SLC1A5: variants seen among roughly 807,000 people sequenced by gnomAD.
SLC1A5 encodes the protein neutral amino acid transporter B(0).
Under a neutral mutation model 34.9 loss-of-function variants are expected in SLC1A5, and 25 were observed. The observed-to-expected ratio is 0.72, with a 90% CI of 0.52 to 1.00. SLC1A5 has a LOEUF of 1.00. Ranked by LOEUF, SLC1A5 falls within the 50% of genes least tolerant of loss-of-function variation. SLC1A5 has a pLI of 0.00. For missense variants in SLC1A5, 637 were observed against 740.0 expected (o/e 0.86, Z 1.61); for synonymous variants, 351 against 341.2 (o/e 1.03, Z -0.32).
chr19:46,782,346 A>ACCCCCCCCCCCCCCCCCCCCCCAAAC, intron 4 of SLC1A5, 37 bp downstream of exon 4: 1 of 567,986 alleles, frequency 1.8e-6, no homozygotes, highest in Non-Finnish European at 3.2e-6. Context: ...CGACCCTCCA[A>ACCCCCCCCCCCCCCCCCCCCCCAAAC]CCCCACCCAC....
intron 5 of SLC1A5, among the ~76,000 whole-genome samples, chr19:46,777,779 G>A (rs573113371): frequency 6.8e-6 from 1 of 147,784 alleles, no homozygotes; most frequent in Non-Finnish European, 1.5e-5. Flanking sequence ...TCTGTCCCTT[G>A]GCCCAAGGCC....
intron 2 of SLC1A5, 27 bp downstream of exon 2, chr19:46,784,490 C>G: frequency 6.2e-7 from 1 of 1,613,332 alleles, no homozygotes; most frequent in African/African-American, 1.3e-5. Context: ...CCACCCCCAT[C>G]CCCTCAGGAC....
intron 1 of SLC1A5, among the ~76,000 whole-genome samples, chr19:46,785,857 A>G (rs1463064595): frequency 6.6e-6 from 1 of 152,152 alleles, no homozygotes; most frequent in African/African-American, 2.4e-5. Context: ...AGGTGGGCAG[A>G]TAACTTGAGG....
chr19:46,775,844 G>A (rs922687355), intron 7 of SLC1A5, 97 bp from the exon 8 acceptor site: 2 of 1,297,654 alleles, frequency 1.5e-6, no homozygotes, highest in Admixed American at 2.9e-5. Context: ...TCTCCCCCTG[G>A]AATCTAAAAA....
intron 4 of SLC1A5, 37 bp downstream of exon 4, chr19:46,782,346 A>AACCCCCCCCCCCCCCCCCCC: frequency 1.2e-5 from 7 of 567,962 alleles, no homozygotes; most frequent in Admixed American, 2.7e-5. Context: ...CGACCCTCCA[A>AACCCCCCCCCCCCCCCCCCC]CCCCACCCAC....
rs2055199504 is a variant in SLC1A5, at chr19:46,788,009, G to A, written c.-44C>T. On this transcript the variant is annotated 5_prime_UTR_variant, in exon 1 of 8. Transcript: ENST00000542575. The stretch of plus-strand genomic sequence containing the variant: ...TTCTTAGCGCCTGGAAGCTGGCTGG[G>A]AGCGCTTGGGCTCCTTCCCAGGACC... 1 of 1,489,124 alleles carries A rather than the reference G, an allele frequency of 6.7e-7. No homozygotes were observed. The highest frequency in any genetic ancestry group is 2.5e-5 in the Admixed American group (1 of 40,478). The allele number at this position is 1,489,124 out of a possible 1,614,324, so 92.2% of individuals were successfully genotyped here. A position where few individuals can be genotyped will look rare whatever the true frequency, so the allele number is the denominator to read the frequency against.
intron 3 of SLC1A5, among the ~76,000 whole-genome samples, 190 bp downstream of exon 3, chr19:46,783,907 C>A (rs1219938293): frequency 6.7e-6 from 1 of 149,808 alleles, no homozygotes; most frequent in East Asian, 1.9e-4. Context: ...AAAGGAAGAG[C>A]CTGGGCACCT....
At chr19:46,778,018 C>G (rs182507597) in intron 5 of SLC1A5, among the ~76,000 whole-genome samples, 6 of 152,256 alleles carry the variant, frequency 3.9e-5, no homozygotes, top group Non-Finnish European at 7.4e-5. Flanking sequence ...CCTGCTGACT[C>G]TCACCAATAA....
At position 46,775,423 on chromosome 19, in the gene SLC1A5, G is replaced by A; in HGVS notation, c.*87C>T. On this transcript the variant is annotated 3_prime_UTR_variant, in exon 8 of 8. Transcript: ENST00000542575. ...CCCAGAGTGTGCAGGCAGACCCCCA[G>A]AGCCCTAGCTCATCCATTTATCCAT... 6.6e-7 allele frequency: 1 copy of A among 1,525,398 alleles called. No individual in the cohort carries two copies. The highest frequency in any genetic ancestry group is 8.8e-7 in the Non-Finnish European group (1 of 1,138,664). 94.5% of individuals were successfully genotyped at this position (1,525,398 alleles called of 1,614,324 possible).
rs1217827274 is a variant in SLC1A5, at chr19:46,774,921, G to A, written c.*589C>T. On this transcript the variant is annotated 3_prime_UTR_variant, in exon 8 of 8. Transcript: ENST00000542575. Reference sequence around the variant, plus strand: ...ACTCAATTTTATTGCTAAAAAAAATGTCCTCTGGAGTGACAGCAGGTATTT... The same window carrying A: ...ACTCAATTTTATTGCTAAAAAAAATATCCTCTGGAGTGACAGCAGGTATTT... The A allele has an allele frequency of 1.0e-6, 1 of 985,748 alleles. No individual in the cohort carries two copies. Among genetic ancestry groups the A allele is most frequent in the Non-Finnish European group, 1.2e-6 (1 of 829,984 alleles). The allele number at this position is 985,748 out of a possible 1,614,324, so 61.1% of individuals were successfully genotyped here.
At chr19:46,786,753 C>T (rs1325683436) in intron 1 of SLC1A5, among the ~76,000 whole-genome samples, 1 of 152,152 alleles carries the variant, frequency 6.6e-6, no homozygotes, top group Non-Finnish European at 1.5e-5. Flanking sequence ...TCTAACTGGT[C>T]CTCTTCTGGG....
chr19:46,786,756 C>T (rs1426841398), intron 1 of SLC1A5, among the ~76,000 whole-genome samples: 6 of 152,204 alleles, frequency 3.9e-5, no homozygotes, highest in Non-Finnish European at 8.8e-5. Flanking sequence ...AACTGGTCCT[C>T]TTCTGGGCTG....
At chr19:46,784,948 G>C (rs866585841) in intron 1 of SLC1A5, 53 of 1,120,216 alleles carry the variant, frequency 4.7e-5, no homozygotes, top group Middle Eastern at 7.1e-4. Flanking sequence ...GCGGCTCTGA[G>C]AGTATGGGGG....
rs768082838 is a variant in SLC1A5 at position 46,780,766 on chromosome 19, T to C, written c.824+1617A>G. Among the ~76,000 whole-genome samples the C allele has an allele frequency of 5.0e-4, 76 of 151,456 alleles. 1 individual carries two copies. The highest frequency in any genetic ancestry group is 7.4e-5 in the Non-Finnish European group (5 of 67,798). On this transcript the variant is annotated intron_variant, in intron 4 of 7. Transcript: ENST00000542575. The stretch of plus-strand genomic sequence containing the variant: ...AGGGCGGATCGCTTGAGGTCAGGAG[T>C]TTGAGACCAGCCTGGCCAACATGGC...
At chr19:46,783,466 CA>C (rs113636275) in intron 3 of SLC1A5, among the ~76,000 whole-genome samples, 425 of 99,790 alleles carry the variant, frequency 4.3e-3, no homozygotes, top group Middle Eastern at 0.012. Context: ...AATTCTGTCT[CA>C]AAAAAAAAAA....
At position 46,778,846 on chromosome 19, in the gene SLC1A5, C is replaced by T; in HGVS notation, c.887G>A (p.Gly296Asp). The T allele has an allele frequency of 6.2e-7, 1 of 1,605,516 alleles. No individual in the cohort carries two copies. Among genetic ancestry groups the T allele is most frequent in the Non-Finnish European group, 8.5e-7 (1 of 1,175,584 alleles). The change falls in exon 5 of 8, where the codon GGT (glycine) becomes GAT (aspartate). Residue 296 changes from glycine (G) to aspartate (D), a missense_variant. Coordinates refer to ENST00000542575, the MANE Select transcript of SLC1A5 (RefSeq NM_005628.3). ...CTTGCCAAGGCGGGCAAAGAGTAAACCCACATCCTCCATCTCCACGATCTT... is the reference window on the plus strand; with the variant it reads ...CTTGCCAAGGCGGGCAAAGAGTAAATCCACATCCTCCATCTCCACGATCTT... ...AGKIVEMEDV[G>D]LLFARLGKYI...
rs1294719185 is a variant in SLC1A5, at chr19:46,787,393, A to G, written c.566+7T>C. 2 of 1,588,644 alleles carry G rather than the reference A, an allele frequency of 1.3e-6. No homozygotes were observed. Among genetic ancestry groups the G allele is most frequent in the Admixed American group, 1.8e-5 (1 of 55,866 alleles). On this transcript the variant is annotated splice_region_variant and intron_variant, in intron 1 of 7. Transcript: ENST00000542575. This position sits in a 1 kb window ranked among gnomAD's most constrained non-coding sequence, Gnocchi z 5.2. ...CTTCCCCACCTCCCGGGGGAGCGGG[A>G]GCTGACCTCGCAAGATCCAGGAACG...
intron 4 of SLC1A5, among the ~76,000 whole-genome samples, chr19:46,780,233 T>C (rs1358648584): frequency 2.0e-5 from 3 of 151,738 alleles, no homozygotes; most frequent in African/African-American, 7.3e-5. Flanking sequence ...ACTTAGGAGG[T>C]TGAGGTGGGA....
intron 4 of SLC1A5, 37 bp downstream of exon 4, chr19:46,782,346 A>ACC: frequency 8.6e-5 from 49 of 567,962 alleles, no homozygotes; most frequent in Middle Eastern, 5.2e-4. Flanking sequence ...CGACCCTCCA[A>ACC]CCCCACCCAC....
Sources: gnomAD v4.1 joint callset for allele counts (sites outside exome capture counted in the v4.1 genomes callset) on GRCh38, gnomAD v4.1.1 for gene constraint, Gnocchi (gnomAD v3.1) non-coding constraint, MANE v1.5 for transcripts, NCBI Gene and HGNC (gene_info 2026-07-23, HGNC 2026-07-21) for gene names.